Variants in ZDHHC14 observed in about 807,000 individuals in gnomAD.
ZDHHC14 encodes the protein zDHHC palmitoyltransferase 14.
In ZDHHC14, 16 loss-of-function variants were observed where a neutral mutation model predicts 47.7. The observed-to-expected ratio is 0.34, with a 90% confidence interval of 0.23 to 0.51. The LOEUF is 0.51. ZDHHC14 is among the 20% of genes least tolerant of loss of function. The pLI, the probability that ZDHHC14 is intolerant of heterozygous loss-of-function variation, is 0.97. For synonymous variants in ZDHHC14, 293 were observed against 278.9 expected, an observed-to-expected ratio of 1.05 and a Z score of -0.50; for missense variants, 515 against 662.5, an observed-to-expected ratio of 0.78 and a Z score of 2.44.
intron 1 of ZDHHC14, among the ~76,000 whole-genome samples, chr6:157,452,681 T>C (rs1436683423): frequency 6.9e-6 from 1 of 145,108 alleles, no homozygotes; most frequent in African/African-American, 2.5e-5. Context: ...AGATCACTAA[T>C]ACATGGGGAT....
intron 1 of ZDHHC14, among the ~76,000 whole-genome samples, chr6:157,460,989 A>G (rs1324438728): frequency 6.6e-6 from 1 of 152,222 alleles, no homozygotes; most frequent in Non-Finnish European, 1.5e-5. Context: ...CATGTGCTCG[A>G]GAAGGCTTCC....
chr6:157,477,470 C>T (rs1252894011), intron 1 of ZDHHC14, among the ~76,000 whole-genome samples: 4 of 152,102 alleles, frequency 2.6e-5, no homozygotes, highest in Non-Finnish European at 4.4e-5. Context: ...AAGATTTCAC[C>T]AAAAAACTGT....
chr6:157,436,430 G>A (rs1418626075), intron 1 of ZDHHC14, among the ~76,000 whole-genome samples: 2 of 152,062 alleles, frequency 1.3e-5, no homozygotes, highest in Non-Finnish European at 2.9e-5. Flanking sequence ...GTAGGGAAGC[G>A]ATACGATTGG....
At chr6:157,393,130 C>G (rs1358540993) in intron 1 of ZDHHC14, among the ~76,000 whole-genome samples, 1 of 152,184 alleles carries the variant, frequency 6.6e-6, no homozygotes, top group Non-Finnish European at 1.5e-5. Context: ...TCGCCTGCCT[C>G]GGCCTCTCAA....
At chr6:157,635,142 G>C (rs1403028322) in intron 5 of ZDHHC14, among the ~76,000 whole-genome samples, 1 of 152,144 alleles carries the variant, frequency 6.6e-6, no homozygotes, top group Non-Finnish European at 1.5e-5. Context: ...TACAGGTGCT[G>C]TGCCACCACA....
chr6:157,498,637 A>T (rs1780125612), intron 1 of ZDHHC14, among the ~76,000 whole-genome samples: 1 of 152,224 alleles, frequency 6.6e-6, no homozygotes, highest in Non-Finnish European at 1.5e-5. Context: ...TCTCTTCAGT[A>T]TCTTTGTAAA....
chr6:157,574,082 G>A (rs750654457), intron 2 of ZDHHC14, among the ~76,000 whole-genome samples: 62 of 151,556 alleles, frequency 4.1e-4, no homozygotes, highest in Non-Finnish European at 7.5e-4. Context: ...TGGACTAAAT[G>A]ACTCAACAAC....
intron 1 of ZDHHC14, among the ~76,000 whole-genome samples, chr6:157,532,010 C>T (rs537475721): frequency 6.6e-6 from 1 of 152,378 alleles, no homozygotes; most frequent in East Asian, 1.9e-4. Flanking sequence ...TCACTGCCTG[C>T]CCACCCTGGG....
chr6:157,388,692 A>T (rs1777365175), intron 1 of ZDHHC14, among the ~76,000 whole-genome samples: 1 of 152,232 alleles, frequency 6.6e-6, no homozygotes, highest in African/African-American at 2.4e-5. Context: ...TATAAACTGG[A>T]TGATCTTCTA....
chr6:157,486,561 CACCT>C (rs1172623841), intron 1 of ZDHHC14, among the ~76,000 whole-genome samples: 1 of 152,172 alleles, frequency 6.6e-6, no homozygotes, highest in African/African-American at 2.4e-5. Context: ...ACATATTGAG[CACCT>C]ACCAAGTGCT....
At chr6:157,448,332 G>A (rs181441313) in intron 1 of ZDHHC14, among the ~76,000 whole-genome samples, 53 of 152,238 alleles carry the variant, frequency 3.5e-4, no homozygotes, top group African/African-American at 1.2e-3. Flanking sequence ...CCTGTCTAGA[G>A]TGTGTGTCTG....
Position 157,381,680 on chromosome 6 carries a change from G to A in ZDHHC14, c.-342G>A, listed in dbSNP as rs543824545. The A allele has an allele frequency of 1.4e-5, 2 of 144,076 alleles. No individual in the cohort carries two copies. Among genetic ancestry groups the A allele is most frequent in the African/African-American group, 5.0e-5 (2 of 40,004 alleles). The allele number at this position is 144,076 out of a possible 1,614,324, so 8.9% of individuals were successfully genotyped here. ...GGAGCCGGGGGCTGCGGGGCCGAGC[G>A]GGCAGCCGCGCGAGGGGGCGGGCGC... On this transcript the variant is annotated 5_prime_UTR_variant, in exon 1 of 9. Transcript: ENST00000359775.
chr6:157,434,381 C>T (rs1056402194), intron 1 of ZDHHC14, among the ~76,000 whole-genome samples: 5 of 151,998 alleles, frequency 3.3e-5, no homozygotes, highest in African/African-American at 9.7e-5. Flanking sequence ...AGGAGCTGGG[C>T]CTGTTCACAC....
At chr6:157,519,918 C>T (rs190182771) in intron 1 of ZDHHC14, among the ~76,000 whole-genome samples, 110 of 152,266 alleles carry the variant, frequency 7.2e-4, no homozygotes, top group African/African-American at 2.4e-3. Context: ...CAGTGCAGGG[C>T]GAAGTGAAGT....
chr6:157,559,687 A>G (rs1232293371), intron 2 of ZDHHC14, among the ~76,000 whole-genome samples: 3 of 152,212 alleles, frequency 2.0e-5, no homozygotes, highest in Non-Finnish European at 2.9e-5. Flanking sequence ...TTCAAGCTCC[A>G]GGTTGTCATG....
At chr6:157,395,750 T>C (rs181360885) in intron 1 of ZDHHC14, among the ~76,000 whole-genome samples, 89 of 149,494 alleles carry the variant, frequency 6.0e-4, no homozygotes, top group African/African-American at 2.1e-3. Flanking sequence ...GCTGAGATTA[T>C]GCCACTGCAC....
At chr6:157,593,186 C>T in intron 3 of ZDHHC14, 40 bp downstream of exon 3, 3 of 1,580,694 alleles carry the variant, frequency 1.9e-6, no homozygotes, top group Non-Finnish European at 2.6e-6. Context: ...GAGCCCGGGT[C>T]CTCCGGGTGG....
At chr6:157,499,358 T>C (rs1780141748) in intron 1 of ZDHHC14, among the ~76,000 whole-genome samples, 1 of 152,164 alleles carries the variant, frequency 6.6e-6, no homozygotes, top group Non-Finnish European at 1.5e-5. Context: ...TGGTGCCTTC[T>C]CCTTGTGTCC....
intron 8 of ZDHHC14, among the ~76,000 whole-genome samples, chr6:157,667,411 C>T (rs909104398): frequency 2.0e-5 from 3 of 150,608 alleles, no homozygotes; most frequent in South Asian, 4.2e-4. Flanking sequence ...GGCTGGGTAG[C>T]GGAGGGAAAA....
Sources: allele counts gnomAD v4.1 joint callset (sites outside exome capture counted in the v4.1 genomes callset), GRCh38; gene constraint gnomAD v4.1.1; transcripts MANE v1.5; gene names NCBI Gene and HGNC (gene_info 2026-07-23, HGNC 2026-07-21).